Variants in RP1L1 observed in about 807,000 individuals in gnomAD.
RP1L1 encodes the protein RP1 like 1.
Under a neutral mutation model 15.7 loss-of-function variants are expected in RP1L1, and 27 were observed. The observed-to-expected ratio is 1.72, with a 90% CI of 1.27 to 2.38. RP1L1 has a LOEUF of 2.38. Among genes scored for constraint, RP1L1 ranks in the 30% most tolerant of loss-of-function variants. RP1L1 has a pLI of 0.00. For missense variants in RP1L1, 4,798 were observed against 3,075.9 expected (o/e 1.56, Z -13.24); for synonymous variants, 1,813 against 1,276.7 (o/e 1.42, Z -8.96).
intron 1 of RP1L1, among the ~76,000 whole-genome samples, chr8:10,654,347 T>A (rs1798607495): frequency 6.6e-6 from 1 of 152,140 alleles, no homozygotes; most frequent in South Asian, 2.1e-4. Flanking sequence ...GAAAATTCAA[T>A]GACCTCATTG....
In RP1L1 at chr8:10,610,898, C is replaced by T. The variant is rs201393573; in HGVS notation, c.3200G>A (p.Gly1067Asp). 6.2e-7 allele frequency: 1 copy of T among 1,610,316 alleles called. No individual in the cohort carries two copies. Among genetic ancestry groups the T allele is most frequent in the Non-Finnish European group, 8.5e-7 (1 of 1,178,766 alleles). Residue 1067 changes from glycine to aspartate, a missense_variant, in exon 4 of 4, where the codon GGC becomes GAC. Transcript: ENST00000382483. ...AAGTGCCCGCAGGCTCACCCTGCAG[C>T]CTGCTGGGGCCTCTCTGTCTGCTCC... ...EAGADREAPA[G>D]CRVSLRALPG...
At chr8:10,631,934 G>C (rs554293899) in intron 1 of RP1L1, among the ~76,000 whole-genome samples, 1 of 152,250 alleles carries the variant, frequency 6.6e-6, no homozygotes, top group African/African-American at 2.4e-5. Context: ...ATCACTCCCA[G>C]ACCTGCTTTC....
chr8:10,627,312 A>G (rs937155999), intron 1 of RP1L1, among the ~76,000 whole-genome samples: 1 of 152,232 alleles, frequency 6.6e-6, no homozygotes, highest in Non-Finnish European at 1.5e-5. Flanking sequence ...TTAAAAAGGT[A>G]GGAAAATCTG....
intron 3 of RP1L1, among the ~76,000 whole-genome samples, chr8:10,615,124 G>A (rs1037152713): frequency 6.6e-6 from 1 of 152,098 alleles, no homozygotes; most frequent in Non-Finnish European, 1.5e-5. Context: ...AGAGTAAACT[G>A]TCCTTGTGCC....
At chr8:10,633,324 C>T (rs1164443996) in intron 1 of RP1L1, among the ~76,000 whole-genome samples, 4 of 152,196 alleles carry the variant, frequency 2.6e-5, no homozygotes, top group East Asian at 1.9e-4. Context: ...AAATCCAACC[C>T]GAAATCAGAG....
In RP1L1 at chr8:10,616,156, G is replaced by A. The variant is rs549004730; in HGVS notation, c.751+290C>T. Among the ~76,000 whole-genome samples, 5 of 152,006 alleles carry A rather than the reference G, an allele frequency of 3.3e-5. No individual in the cohort carries two copies. The South Asian group carries it at 6.2e-4, about 19-fold the overall frequency. ...ACTCCTAGACTCAAGCTATCCTCTC[G>A]CTTTGGGCCCCCAAACGGCTGGAAT... On this transcript the variant is annotated intron_variant, in intron 3 of 3. Coordinates refer to ENST00000382483, the MANE Select transcript of RP1L1 (RefSeq NM_178857.6).
At chr8:10,622,088 G>A (rs1021154856) in intron 2 of RP1L1, among the ~76,000 whole-genome samples, 4 of 152,014 alleles carry the variant, frequency 2.6e-5, no homozygotes, top group African/African-American at 4.8e-5. Flanking sequence ...TTGGGAGGCC[G>A]AATCGGGCAG....
intron 1 of RP1L1, among the ~76,000 whole-genome samples, chr8:10,651,371 TG>T (rs2117271440): frequency 6.6e-6 from 1 of 152,346 alleles, no homozygotes; most frequent in East Asian, 1.9e-4. Context: ...TCTGGGGCCT[TG>T]GTCAAGGACC....
At chr8:10,618,284 G>A (rs1798002738) in intron 2 of RP1L1, among the ~76,000 whole-genome samples, 1 of 152,102 alleles carries the variant, frequency 6.6e-6, no homozygotes, top group African/African-American at 2.4e-5. Flanking sequence ...TAGATCCCTG[G>A]AGCCCAGGAG....
At chr8:10,624,878 C>A (rs2117230740) in intron 1 of RP1L1, among the ~76,000 whole-genome samples, 1 of 152,274 alleles carries the variant, frequency 6.6e-6, no homozygotes, top group South Asian at 2.1e-4. Flanking sequence ...GGAAGAGCCC[C>A]ACTGAGATGT....
chr8:10,612,165 C>T lies in RP1L1; in HGVS notation c.1933G>A (p.Ala645Thr), dbSNP rs369958341. ...QQGQRRHRSR[A>T]SAMSSPSSPG... is the part of the protein sequence containing the mutation. ...CTGCTGGGTGAGGACATTGCACTGGCCCGGCTTCTGTGCCTTCTCTGCCCC... is the reference window on the plus strand; with the variant it reads ...CTGCTGGGTGAGGACATTGCACTGGTCCGGCTTCTGTGCCTTCTCTGCCCC... Residue 645 changes from alanine to threonine, a missense_variant, in exon 4 of 4, where the codon GCC becomes ACC. Ala to Thr is a moderately conservative substitution (Grantham distance 58). Transcript: ENST00000382483. The T allele has an allele frequency of 5.0e-6, 8 of 1,613,436 alleles. No homozygotes were observed. The highest frequency in any genetic ancestry group is 1.1e-5 in the South Asian group (1 of 91,090).
chr8:10,646,209 C>G (rs1295086303), intron 1 of RP1L1, among the ~76,000 whole-genome samples: 1 of 152,216 alleles, frequency 6.6e-6, no homozygotes, highest in African/African-American at 2.4e-5. Flanking sequence ...ATCCCCATGC[C>G]AACTTTGTCA....
Position 10,613,405 on chromosome 8 carries a change from A to C in RP1L1, c.752-59T>G, listed in dbSNP as rs11773913. 30 of 1,594,376 alleles carry C rather than the reference A, an allele frequency of 1.9e-5. No homozygotes were observed. In the East Asian group the frequency reaches 6.0e-4, roughly 32 times the overall value. ...AAAGACTGTGAGCCATGGGGGCAGCATCAGGATAAAGGAATAAAACAGTCA... is the reference window on the plus strand; with the variant it reads ...AAAGACTGTGAGCCATGGGGGCAGCCTCAGGATAAAGGAATAAAACAGTCA... On this transcript the variant is annotated intron_variant, in intron 3 of 3. Coordinates refer to ENST00000382483, the MANE Select transcript of RP1L1 (RefSeq NM_178857.6).
chr8:10,611,603 T>C lies in RP1L1; in HGVS notation c.2495A>G (p.Gln832Arg), dbSNP rs1797857118. Residue 832 changes from glutamine to arginine, a missense_variant, in exon 4 of 4, where the codon CAG (glutamine) becomes CGG (arginine). Transcript: ENST00000382483. ...RSHCCSQPGT[Q>R]PAQEAQRGPS... Reference sequence around the variant, plus strand: ...TCCCCGCTGGGCCTCTTGGGCCGGCTGCGTCCCAGGCTGTGAGCAGCAGTG... The same window carrying C: ...TCCCCGCTGGGCCTCTTGGGCCGGCCGCGTCCCAGGCTGTGAGCAGCAGTG... 6.2e-7 allele frequency: 1 copy of C among 1,612,208 alleles called. No homozygotes were observed. The highest frequency in any genetic ancestry group is 1.1e-5 in the South Asian group (1 of 91,038).
At chr8:10,637,703 G>C (rs1798350021) in intron 1 of RP1L1, among the ~76,000 whole-genome samples, 1 of 152,254 alleles carries the variant, frequency 6.6e-6, no homozygotes, top group Admixed American at 6.5e-5. Flanking sequence ...CAAAGAAAGA[G>C]TTAACGTAGC....
chr8:10,609,488 G>A lies in RP1L1; in HGVS notation c.4610C>T (p.Ala1537Val), dbSNP rs375128393. The A allele has an allele frequency of 3.2e-5, 52 of 1,611,232 alleles. No individual in the cohort carries two copies. Among genetic ancestry groups the A allele is most frequent in the Middle Eastern group, 3.3e-4 (2 of 6,056 alleles). ...CCAGCGTGCTCGGAGCTCAGCCACC[G>A]CACTGGCAAGGTGGGCCAGGAAGGC... ...EKAFLAHLAS[A>V]VAELRARWGL... Residue 1537 changes from alanine (A) to valine (V), a missense_variant, in exon 4 of 4, where the codon GCG (alanine) becomes GTG (valine). Coordinates refer to ENST00000382483, the MANE Select transcript of RP1L1 (RefSeq NM_178857.6).
chr8:10,632,615 C>T (rs1585990784), intron 1 of RP1L1, among the ~76,000 whole-genome samples: 1 of 152,344 alleles, frequency 6.6e-6, no homozygotes, highest in African/African-American at 2.4e-5. Context: ...ATTTCTCCCG[C>T]TAGACCAAGG....
intron 2 of RP1L1, among the ~76,000 whole-genome samples, chr8:10,622,148 C>T (rs2117224412): frequency 6.6e-6 from 1 of 151,850 alleles, no homozygotes; most frequent in African/African-American, 2.4e-5. Flanking sequence ...ATGGAGAAAC[C>T]CTGTCTCTAC....
intron 1 of RP1L1, among the ~76,000 whole-genome samples, chr8:10,631,346 CACACACATGCACACAA>C (rs1323617945): frequency 0.014 from 777 of 54,222 alleles, 17 homozygotes; most frequent in African/African-American, 0.032. Flanking sequence ...CACACACACG[CACACACATGCACACAA>C]ACACACATGC....
Sources: gnomAD v4.1 joint callset for allele counts (sites outside exome capture counted in the v4.1 genomes callset) on GRCh38, gnomAD v4.1.1 for gene constraint, MANE v1.5 for transcripts, NCBI Gene and HGNC (gene_info 2026-07-23, HGNC 2026-07-21) for gene names.